YEATS2: variants seen among roughly 807,000 people sequenced by gnomAD.
YEATS2 encodes YEATS domain containing 2.
Under a neutral mutation model 163.2 loss-of-function variants are expected in YEATS2, and 77 were observed. The observed-to-expected ratio is 0.47, with a 90% CI of 0.39 to 0.57. YEATS2 has a LOEUF of 0.57. YEATS2 is among the 20% of genes least tolerant of loss of function. YEATS2 has a pLI of 0.00. For missense variants in YEATS2, 1,549 were observed against 1,729.8 expected (o/e 0.90, Z 1.85); for synonymous variants, 631 against 645.1 (o/e 0.98, Z 0.33).
At chr3:183,742,260 A>T (rs1319261245) in intron 8 of YEATS2, among the ~76,000 whole-genome samples, 1 of 152,170 alleles carries the variant, frequency 6.6e-6, no homozygotes, top group Non-Finnish European at 1.5e-5. Flanking sequence ...TTGTAAGGCT[A>T]TGGATGCCAT....
chr3:183,756,606 C>G lies in YEATS2; in HGVS notation c.1469C>G (p.Thr490Ser), dbSNP rs200326044. ...ACTCCAGTCCACGTGAAGCAAGGCA[C>G]TGCCGGCTCTGTTATTAATAATCCT... ...TSTPVHVKQG[T>S]AGSVINNPYV... is the part of the protein sequence containing the mutation. The change falls in exon 12 of 31, where the codon ACT becomes AGT. Residue 490 changes from threonine (T) to serine (S), a missense_variant. Thr to Ser is a moderately conservative substitution (Grantham distance 58). Coordinates refer to ENST00000305135, the MANE Select transcript of YEATS2 (RefSeq NM_018023.5). 1 of 1,607,456 alleles carries G rather than the reference C, an allele frequency of 6.2e-7. No homozygotes were observed. Among genetic ancestry groups the G allele is most frequent in the Admixed American group, 1.7e-5 (1 of 59,138 alleles).
chr3:183,754,118 T>A lies in YEATS2; in HGVS notation c.1151-8T>A. Reference sequence around the variant, plus strand: ...TGACTTGCCGTTTGCCTCTTTCATCTCAAGCAGGATTCCCAGCTAGCACTG... The same window carrying A: ...TGACTTGCCGTTTGCCTCTTTCATCACAAGCAGGATTCCCAGCTAGCACTG... On this transcript the variant is annotated splice_polypyrimidine_tract_variant and splice_region_variant and intron_variant, in intron 10 of 30. Coordinates refer to ENST00000305135, the MANE Select transcript of YEATS2 (RefSeq NM_018023.5). 10 of 1,540,270 alleles carry A rather than the reference T, an allele frequency of 6.5e-6. No individual in the cohort carries two copies. The highest frequency in any genetic ancestry group is 8.8e-6 in the Non-Finnish European group (10 of 1,135,342).
At chr3:183,757,436 G>A (rs1353232987) in intron 12 of YEATS2, among the ~76,000 whole-genome samples, 6 of 151,922 alleles carry the variant, frequency 3.9e-5, no homozygotes, top group East Asian at 3.9e-4. Flanking sequence ...AATTACAGGC[G>A]TGCACCACCA....
rs1361105555 is a variant in YEATS2, at chr3:183,756,623, A to C, written c.1486A>C (p.Asn496His). Residue 496 changes from asparagine to histidine, a missense_variant, in exon 12 of 31, where the codon AAT becomes CAT. Physicochemically the swap from Asn to His is moderately conservative, Grantham distance 68. Transcript: ENST00000305135. ...VKQGTAGSVI[N>H]NPYVIMDKQP... The stretch of plus-strand genomic sequence containing the variant: ...GCAAGGCACTGCCGGCTCTGTTATT[A>C]ATAATCCTTATGTTATCATGGACAA... 6.2e-7 allele frequency: 1 copy of C among 1,605,680 alleles called. No homozygotes were observed. Among genetic ancestry groups the C allele is most frequent in the Non-Finnish European group, 8.5e-7 (1 of 1,176,224 alleles).
At chr3:183,725,390 C>T (rs1716979983) in intron 6 of YEATS2, among the ~76,000 whole-genome samples, 1 of 152,148 alleles carries the variant, frequency 6.6e-6, no homozygotes, top group Non-Finnish European at 1.5e-5. Flanking sequence ...ATTTACATTC[C>T]TGCATTTGCC....
intron 1 of YEATS2, among the ~76,000 whole-genome samples, chr3:183,698,216 T>G (rs1284341610): frequency 6.6e-6 from 1 of 151,522 alleles, no homozygotes; most frequent in Non-Finnish European, 1.5e-5. Flanking sequence ...GGAACGTGAG[T>G]TGGGGGCTTC....
chr3:183,752,539 C>G (rs571557588), intron 10 of YEATS2, among the ~76,000 whole-genome samples: 20 of 151,702 alleles, frequency 1.3e-4, no homozygotes, highest in Admixed American at 3.9e-4. Flanking sequence ...GAAACCCCGT[C>G]TCTACTAAAA....
chr3:183,722,863 A>G (rs1428262225), intron 5 of YEATS2, among the ~76,000 whole-genome samples: 2 of 151,904 alleles, frequency 1.3e-5, no homozygotes, highest in Non-Finnish European at 2.9e-5. Flanking sequence ...CCTGTTGGCC[A>G]GACTGGTCTC....
At chr3:183,807,879 G>A (rs1560343123) in intron 28 of YEATS2, 151 bp from the exon 29 acceptor site, 3 of 588,926 alleles carry the variant, frequency 5.1e-6, no homozygotes, top group East Asian at 3.0e-5. Context: ...GTTATATTCC[G>A]TGTTCCTTTC....
chr3:183,767,592 A>C (rs1242965513), intron 15 of YEATS2, among the ~76,000 whole-genome samples: 3 of 152,092 alleles, frequency 2.0e-5, no homozygotes, highest in African/African-American at 7.2e-5. Context: ...TATGTTGGCC[A>C]CACTGGTCTC....
chr3:183,702,997 T>TGG (rs1714264929), intron 1 of YEATS2, among the ~76,000 whole-genome samples: 1 of 152,196 alleles, frequency 6.6e-6, no homozygotes, highest in South Asian at 2.1e-4. Context: ...GAATGGATTC[T>TGG]GGGGGCTGAC....
intron 14 of YEATS2, 75 bp from the exon 15 acceptor site, chr3:183,762,022 A>G: frequency 6.3e-7 from 1 of 1,586,134 alleles, no homozygotes; most frequent in Non-Finnish European, 8.7e-7. Flanking sequence ...CAAACGGAGA[A>G]GAGTCAGATA....
intron 9 of YEATS2, among the ~76,000 whole-genome samples, chr3:183,749,635 T>A (rs558076355): frequency 6.6e-6 from 1 of 152,174 alleles, no homozygotes; most frequent in South Asian, 2.1e-4. Flanking sequence ...TGTAAAAAAA[T>A]TTATTTTTAT....
At chr3:183,708,097 A>G (rs963268557) in intron 1 of YEATS2, among the ~76,000 whole-genome samples, 1 of 151,450 alleles carries the variant, frequency 6.6e-6, no homozygotes, top group Non-Finnish European at 1.5e-5. Context: ...CATATGATAT[A>G]TGGCAAATCT....
intron 5 of YEATS2, 140 bp downstream of exon 5, chr3:183,722,276 A>ATATT: frequency 1.7e-6 from 1 of 584,284 alleles, no homozygotes; most frequent in Non-Finnish European, 2.4e-6. Flanking sequence ...GGGAAACCAA[A>ATATT]TCTTTTTTTT....
intron 14 of YEATS2, 67 bp downstream of exon 14, chr3:183,761,681 C>A: frequency 7.2e-7 from 1 of 1,385,116 alleles, no homozygotes. Flanking sequence ...GAGTTCATTG[C>A]CACTACCCCT....
Position 183,762,339 on chromosome 3 carries a change from T to C in YEATS2, c.1947+60T>C, listed in dbSNP as rs575500303. The C allele has an allele frequency of 7.0e-5, 105 of 1,508,604 alleles. No homozygotes were observed. In the African/African-American group the frequency reaches 1.4e-3, roughly 20 times the overall value. The allele number at this position is 1,508,604 out of a possible 1,614,324, so 93.5% of individuals were successfully genotyped here. ...TAAATGATGTTGTTTGCCTAAATAA[T>C]TGACAAGTGCTGAAAAGATTCACGG... On this transcript the variant is annotated intron_variant, in intron 15 of 30. Transcript: ENST00000305135.
intron 12 of YEATS2, among the ~76,000 whole-genome samples, chr3:183,757,434 G>A (rs1720883850): frequency 6.6e-6 from 1 of 152,050 alleles, no homozygotes; most frequent in African/African-American, 2.4e-5. Flanking sequence ...GGAATTACAG[G>A]CGTGCACCAC....
intron 21 of YEATS2, among the ~76,000 whole-genome samples, chr3:183,796,148 A>ATTTTTTTTTTTTT (rs1176974770): frequency 1.5e-4 from 14 of 96,056 alleles, no homozygotes; most frequent in African/African-American, 3.9e-4. Context: ...ATGCCCGGCT[A>ATTTTTTTTTTTTT]TTTTTTTTTT....
Sources: gnomAD v4.1 joint callset for allele counts (sites outside exome capture counted in the v4.1 genomes callset) on GRCh38, gnomAD v4.1.1 for gene constraint, MANE v1.5 for transcripts, NCBI Gene and HGNC (gene_info 2026-07-23, HGNC 2026-07-21) for gene names.